The following USP15 variants were observed in gnomAD, a reference collection of about 807,000 sequenced individuals.
The protein encoded by USP15 is ubiquitin carboxyl-terminal hydrolase 15.
Under a neutral mutation model 127.1 loss-of-function variants are expected in USP15, and 18 were observed. The ratio of observed to expected loss-of-function variants is 0.14; its 90% CI spans 0.10 to 0.21. The LOEUF is 0.21. Ranked by LOEUF, USP15 falls within the 10% of genes least tolerant of loss-of-function variation. USP15 has a pLI of 1.00. For synonymous variants in USP15, 364 were observed against 393.7 expected (o/e 0.92, Z 0.89); for missense variants, 805 against 1,159.9 (o/e 0.69, Z 4.44).
chr12:62,283,758 G>T (rs1592493258), intron 1 of USP15, among the ~76,000 whole-genome samples: 1 of 152,112 alleles, frequency 6.6e-6, no homozygotes, highest in Non-Finnish European at 1.5e-5. Flanking sequence ...GCCTGGCTAA[G>T]ATGGCAAAAC....
intron 5 of USP15, 69 bp downstream of exon 5, chr12:62,321,678 C>T (rs1232369450): frequency 1.5e-6 from 2 of 1,313,838 alleles, no homozygotes; most frequent in Non-Finnish European, 2.0e-6. Flanking sequence ...TAATAATTAT[C>T]CTGGCAATAT....
At chr12:62,317,408 G>A (rs1400224503) in intron 4 of USP15, among the ~76,000 whole-genome samples, 1 of 152,166 alleles carries the variant, frequency 6.6e-6, no homozygotes, top group Non-Finnish European at 1.5e-5. Flanking sequence ...AAGTGGTAGA[G>A]CTAGTACTTT....
At chr12:62,319,326 G>A (rs770331348) in intron 4 of USP15, among the ~76,000 whole-genome samples, 2 of 152,184 alleles carry the variant, frequency 1.3e-5, no homozygotes. Context: ...AAACACTGGG[G>A]ATTACAATTT....
At chr12:62,366,947 T>C (rs1224161194) in intron 8 of USP15, among the ~76,000 whole-genome samples, 1 of 152,222 alleles carries the variant, frequency 6.6e-6, no homozygotes, top group Non-Finnish European at 1.5e-5. Flanking sequence ...CTGGATTCGG[T>C]TTGCCAGTAT....
intron 18 of USP15, 121 bp from the exon 19 acceptor site, chr12:62,392,932 G>A (rs2067369642): frequency 1.9e-6 from 2 of 1,042,782 alleles, no homozygotes; most frequent in Non-Finnish European, 2.8e-6. Flanking sequence ...GTACATATTA[G>A]GCATACTATA....
chr12:62,285,327 A>G (rs1342551588), intron 1 of USP15, among the ~76,000 whole-genome samples: 1 of 152,208 alleles, frequency 6.6e-6, no homozygotes, highest in African/African-American at 2.4e-5. Flanking sequence ...CCCACTTATA[A>G]GTGATAACAT....
At chr12:62,390,064 A>C in intron 14 of USP15, 76 bp downstream of exon 14, 1 of 1,307,306 alleles carries the variant, frequency 7.6e-7, no homozygotes, top group Non-Finnish European at 1.0e-6. Context: ...AAATAAACAC[A>C]TAAGGTACTA....
At chr12:62,339,385 T>C (rs148019078) in intron 6 of USP15, among the ~76,000 whole-genome samples, 2 of 152,146 alleles carry the variant, frequency 1.3e-5, no homozygotes, top group African/African-American at 4.8e-5. Flanking sequence ...TCTTTATTTC[T>C]TTCTCTTGCC....
At chr12:62,271,133 A>T (rs902007753) in intron 1 of USP15, among the ~76,000 whole-genome samples, 1 of 152,050 alleles carries the variant, frequency 6.6e-6, no homozygotes. Flanking sequence ...ATGTAAGACA[A>T]CACCCTCAGC....
At chr12:62,305,444 A>C (rs566754571) in intron 3 of USP15, among the ~76,000 whole-genome samples, 1 of 152,326 alleles carries the variant, frequency 6.6e-6, no homozygotes, top group South Asian at 2.1e-4. Flanking sequence ...CTAAGAAAAT[A>C]ATCCTTCAGG....
chr12:62,331,993 C>G (rs561623579), intron 6 of USP15, among the ~76,000 whole-genome samples: 2 of 151,834 alleles, frequency 1.3e-5, no homozygotes, highest in Non-Finnish European at 2.9e-5. Flanking sequence ...GGTGAAACCC[C>G]GTCTCCACTA....
At position 62,276,130 on chromosome 12, in the gene USP15, T is replaced by C. The variant is rs939924297; in HGVS notation, c.89+15627T>C. Among the ~76,000 whole-genome samples, 9 of 152,262 alleles carry C rather than the reference T, an allele frequency of 5.9e-5. No individual in the cohort carries two copies. In the East Asian group the frequency reaches 1.7e-3, roughly 29 times the overall value. ...CAGGTATGAGGCACCCTCATAAAAT[T>C]CCTTGTAATCCTCTGAAACAGGAAG... On this transcript the variant is annotated intron_variant, in intron 1 of 21. Coordinates refer to ENST00000280377, the MANE Select transcript of USP15 (RefSeq NM_001252078.2).
At chr12:62,307,917 A>G (rs1330767593) in intron 3 of USP15, among the ~76,000 whole-genome samples, 1 of 152,172 alleles carries the variant, frequency 6.6e-6, no homozygotes. Context: ...ACAATATGAT[A>G]AGCTACCTTG....
rs1246333477 is a variant in USP15, at chr12:62,407,522, TAAGA to T, written c.*3151_*3154del. On this transcript the variant is annotated 3_prime_UTR_variant, in exon 22 of 22. Transcript: ENST00000280377. ...TTTAGCTCAGTATTCGAGCATTGAA[TAAGA>T]AAGTACCCACTGGAATATTGACTAA... is the stretch of plus-strand genomic sequence containing the variant. 1 of 152,242 alleles carries T rather than the reference TAAGA, an allele frequency of 6.6e-6. No individual in the cohort carries two copies. Among genetic ancestry groups the T allele is most frequent in the East Asian group, 1.9e-4 (1 of 5,204 alleles). The allele number at this position is 152,242 out of a possible 1,614,324, so 9.4% of individuals were successfully genotyped here. A position where few individuals can be genotyped will look rare whatever the true frequency, so the allele number is the denominator to read the frequency against.
intron 1 of USP15, among the ~76,000 whole-genome samples, chr12:62,283,810 G>T (rs2063719421): frequency 6.6e-6 from 1 of 152,058 alleles, no homozygotes; most frequent in African/African-American, 2.4e-5. Flanking sequence ...GGGCATGGTG[G>T]CACAAGCCAT....
At chr12:62,376,562 G>A (rs2066835189) in intron 8 of USP15, among the ~76,000 whole-genome samples, 1 of 152,052 alleles carries the variant, frequency 6.6e-6, no homozygotes. Context: ...AAATTAACAG[G>A]GGCATAGCTC....
At chr12:62,299,784 G>T (rs1038809683) in intron 2 of USP15, among the ~76,000 whole-genome samples, 1 of 152,096 alleles carries the variant, frequency 6.6e-6, no homozygotes. Flanking sequence ...ATCATTGCTG[G>T]CAGTGTATGA....
intron 7 of USP15, among the ~76,000 whole-genome samples, chr12:62,350,124 TTATG>T (rs2065924998): frequency 6.6e-6 from 1 of 151,888 alleles, no homozygotes; most frequent in Non-Finnish European, 1.5e-5. Context: ...CTTATACTAA[TTATG>T]TATTACTATT....
intron 16 of USP15, 141 bp downstream of exon 16, chr12:62,391,570 A>G: frequency 9.2e-7 from 1 of 1,084,936 alleles, no homozygotes; most frequent in South Asian, 1.7e-5. Flanking sequence ...AAAGGACTTA[A>G]TATCTAAGTA....
Sources: gnomAD v4.1 joint callset for allele counts (sites outside exome capture counted in the v4.1 genomes callset) on GRCh38, gnomAD v4.1.1 for gene constraint, MANE v1.5 for transcripts, NCBI Gene and HGNC (gene_info 2026-07-23, HGNC 2026-07-21) for gene names.